The following FAR1 variants were observed in gnomAD, a reference collection of about 807,000 sequenced individuals.
The protein encoded by FAR1 is male sterility domain-containing protein 2.
A neutral mutation model predicts 61.1 loss-of-function variants in FAR1; 22 were observed. The ratio of observed to expected loss-of-function variants is 0.36; its 90% CI spans 0.26 to 0.51. The LOEUF is 0.51. Ranked by LOEUF, FAR1 falls within the 20% of genes least tolerant of loss-of-function variation. The probability of loss-of-function intolerance (pLI) is 0.95; values close to 1 mark genes in which losing one functional copy is unlikely to be tolerated. For missense variants in FAR1, 359 were observed against 626.9 expected (o/e 0.57, Z 4.56); for synonymous variants, 206 against 209.7 (o/e 0.98, Z 0.15).
intron 10 of FAR1, among the ~76,000 whole-genome samples, chr11:13,722,367 TTAATAA>T (rs564810920): frequency 1.2e-4 from 19 of 152,156 alleles, no homozygotes; most frequent in Non-Finnish European, 2.2e-4. Flanking sequence ...AGCCTCCTTC[TTAATAA>T]TAATAATATT....
rs1195151451 is a variant in FAR1, at chr11:13,728,625, C to T, written c.1399C>T (p.Arg467Cys). 7 of 1,611,000 alleles carry T rather than the reference C, an allele frequency of 4.3e-6. No homozygotes were observed. The highest frequency in any genetic ancestry group is 5.1e-6 in the Non-Finnish European group (6 of 1,178,008). ...RKHLNKLRNI[R>C]YGFNTILVIL... is the part of the protein sequence containing the mutation. ...TTTGCTTTCCAGGTTGCGGAATATA[C>T]GTTATGGTTTTAATACTATCCTTGT... Residue 467 changes from arginine (R) to cysteine (C), a missense_variant, in exon 12 of 12, where the codon CGT becomes TGT. Arg to Cys is a radical substitution (Grantham distance 180, BLOSUM62 -3). Coordinates refer to ENST00000354817, the MANE Select transcript of FAR1 (RefSeq NM_032228.6).
In FAR1 at chr11:13,694,921, A is replaced by G; in HGVS notation, c.156A>G (p.Pro52=). ...TGAGGCAGAAAGCTGGACAGACACC[A>G]CAAGAGCGAGTGGAAGAAGTCCTTA... ...VLVRQKAGQT[P]QERVEEVLSG... is the part of the protein sequence containing the mutation. The change falls in exon 2 of 12, where the codon CCA becomes CCG. Residue 52 remains proline, a synonymous_variant. Transcript: ENST00000354817. The G allele has an allele frequency of 6.2e-7, 1 of 1,613,504 alleles. No homozygotes were observed.
At chr11:13,688,298 C>T (rs1247623424) in intron 1 of FAR1, among the ~76,000 whole-genome samples, 2 of 151,804 alleles carry the variant, frequency 1.3e-5, no homozygotes, top group Admixed American at 6.6e-5. Flanking sequence ...TATAAAATCA[C>T]TTGTTAATAG....
At chr11:13,723,429 C>A in intron 10 of FAR1, 1 of 391,606 alleles carries the variant, frequency 2.6e-6, no homozygotes, top group Non-Finnish European at 4.9e-6. Flanking sequence ...TACATTTTTG[C>A]TGTTGAAAAG....
At chr11:13,707,426 A>G (rs1038557570) in intron 3 of FAR1, among the ~76,000 whole-genome samples, 4 of 152,198 alleles carry the variant, frequency 2.6e-5, no homozygotes, top group African/African-American at 7.2e-5. Context: ...ATATGTTAAT[A>G]TAATTTAATG....
intron 1 of FAR1, among the ~76,000 whole-genome samples, chr11:13,690,387 T>C (rs1053919041): frequency 2.6e-5 from 4 of 152,296 alleles, no homozygotes; most frequent in African/African-American, 7.2e-5. Context: ...TAAACTTCAT[T>C]TTAGTTTTGT....
In FAR1 at chr11:13,731,617, T is replaced by C. The variant is rs967533797; in HGVS notation, c.*2843T>C. On this transcript the variant is annotated 3_prime_UTR_variant, in exon 12 of 12. Transcript: ENST00000354817. ...TTTTAGGTGTACTTGTTAATTCTTA[T>C]GTCCTAATTTTATTTAATTCTGAGT... The C allele has an allele frequency of 3.3e-5, 5 of 152,330 alleles. No homozygotes were observed. The highest frequency in any genetic ancestry group is 3.3e-4 in the Admixed American group (5 of 15,262). The allele number at this position is 152,330 out of a possible 1,614,324, so 9.4% of individuals were successfully genotyped here. A position where few individuals can be genotyped will look rare whatever the true frequency, so the allele number is the denominator to read the frequency against.
At chr11:13,705,187 A>T (rs1183441068) in intron 3 of FAR1, among the ~76,000 whole-genome samples, 1 of 152,186 alleles carries the variant, frequency 6.6e-6, no homozygotes, top group Admixed American at 6.5e-5. Context: ...TACCGAAGAT[A>T]CATTTATGAC....
intron 1 of FAR1, among the ~76,000 whole-genome samples, chr11:13,680,520 G>A (rs1021663309): frequency 2.6e-5 from 4 of 152,206 alleles, no homozygotes; most frequent in African/African-American, 9.6e-5. Context: ...GGCTGTACAA[G>A]AAGCACGGCA....
At chr11:13,680,878 G>T in intron 1 of FAR1, among the ~76,000 whole-genome samples, 1 of 152,156 alleles carries the variant, frequency 6.6e-6, no homozygotes, top group East Asian at 1.9e-4. Flanking sequence ...AGTGATGATT[G>T]CAGTTACCAA....
intron 3 of FAR1, among the ~76,000 whole-genome samples, chr11:13,705,124 A>T (rs1477923331): frequency 6.6e-6 from 1 of 152,008 alleles, no homozygotes; most frequent in Admixed American, 6.6e-5. Context: ...TTAGTGAAGG[A>T]TTCTAATTAC....
At chr11:13,681,735 C>T (rs924020238) in intron 1 of FAR1, among the ~76,000 whole-genome samples, 3 of 151,960 alleles carry the variant, frequency 2.0e-5, no homozygotes, top group African/African-American at 7.3e-5. Flanking sequence ...TTAGCTGAGC[C>T]CTTTACAAAT....
At chr11:13,699,429 G>T (rs922091867) in intron 2 of FAR1, among the ~76,000 whole-genome samples, 1 of 152,128 alleles carries the variant, frequency 6.6e-6, no homozygotes, top group Non-Finnish European at 1.5e-5. Context: ...CAGTAGGAGC[G>T]GGAAGACTGT....
chr11:13,669,704 G>A (rs1002845919), intron 1 of FAR1: 5 of 152,154 alleles, frequency 3.3e-5, no homozygotes, highest in Admixed American at 3.3e-4. Flanking sequence ...ACTCAAAAGA[G>A]TTTTTAATTC....
intron 10 of FAR1, among the ~76,000 whole-genome samples, chr11:13,725,639 C>T (rs1848661011): frequency 6.6e-6 from 1 of 152,064 alleles, no homozygotes; most frequent in African/African-American, 2.4e-5. Flanking sequence ...CTAGTGAGTT[C>T]CTGGACAAAT....
chr11:13,694,035 T>C (rs555982502), intron 1 of FAR1, among the ~76,000 whole-genome samples: 131 of 152,310 alleles, frequency 8.6e-4, no homozygotes, highest in African/African-American at 3.0e-3. Context: ...GAGCATTGTT[T>C]TGAATGTGTT....
At chr11:13,684,881 G>C (rs1287850382) in intron 1 of FAR1, among the ~76,000 whole-genome samples, 1 of 152,184 alleles carries the variant, frequency 6.6e-6, no homozygotes, top group African/African-American at 2.4e-5. Context: ...GATTACCTTG[G>C]TATAGGAATT....
intron 4 of FAR1, among the ~76,000 whole-genome samples, chr11:13,708,453 A>C (rs531287182): frequency 7.0e-6 from 1 of 143,556 alleles, no homozygotes; most frequent in Non-Finnish European, 1.5e-5. Flanking sequence ...GCGCGCACAC[A>C]CACACACACA....
chr11:13,672,513 C>T (rs1448241581), intron 1 of FAR1, among the ~76,000 whole-genome samples: 1 of 149,930 alleles, frequency 6.7e-6, no homozygotes, highest in Non-Finnish European at 1.5e-5. Flanking sequence ...CCGCTGTACT[C>T]CAGCCTAAGT....
Sources: gnomAD v4.1 joint callset for allele counts (sites outside exome capture counted in the v4.1 genomes callset) on GRCh38, gnomAD v4.1.1 for gene constraint, MANE v1.5 for transcripts, NCBI Gene and HGNC (gene_info 2026-07-23, HGNC 2026-07-21) for gene names.